Variants in SLC26A6 observed in about 807,000 individuals in gnomAD.
The protein encoded by SLC26A6 is solute carrier family 26 member 6, also known as anion exchange transporter.
Under a neutral mutation model 87.1 loss-of-function variants are expected in SLC26A6, and 67 were observed. The ratio of observed to expected loss-of-function variants is 0.77; its 90% CI spans 0.63 to 0.94. The LOEUF (loss-of-function observed/expected upper bound fraction) is 0.94. Among genes scored for constraint, SLC26A6 ranks in the 40% least tolerant of loss-of-function variants. The probability of loss-of-function intolerance (pLI) is 0.00; values close to 1 mark genes in which losing one functional copy is unlikely to be tolerated. For synonymous variants in SLC26A6, 414 were observed against 405.9 expected (o/e 1.02, Z -0.24); for missense variants, 902 against 973.0 (o/e 0.93, Z 0.97).
chr3:48,628,080 CT>C lies in SLC26A6; in HGVS notation c.1801-43del, dbSNP rs2046675886. On this transcript the variant is annotated intron_variant, in intron 16 of 20. Coordinates refer to ENST00000395550, the MANE Select transcript of SLC26A6 (RefSeq NM_022911.3). The surrounding 1 kb of genome is among the most constrained non-coding windows in gnomAD (Gnocchi z 4.4). ...AGGGAATGGGAAACAGCTAGCCCGG[CT>C]GCCATGACAGCCATGTCACATAGGC... The C allele has an allele frequency of 6.6e-7, 1 of 1,515,462 alleles. No homozygotes were observed. The highest frequency in any genetic ancestry group is 1.4e-5 in the African/African-American group (1 of 71,464). 93.9% of individuals were successfully genotyped at this position (1,515,462 alleles called of 1,614,324 possible).
Position 48,628,106 on chromosome 3 carries a change from C to T in SLC26A6, c.1801-68G>A, listed in dbSNP as rs1360576891. ...TGCCATGACAGCCATGTCACATAGG[C>T]CTGGTGATGCCCCCTGGTGCTGGGC... On this transcript the variant is annotated intron_variant, in intron 16 of 20. Transcript: ENST00000395550. This position sits in a 1 kb window ranked among gnomAD's most constrained non-coding sequence, Gnocchi z 4.4. 1 of 1,400,022 alleles carries T rather than the reference C, an allele frequency of 7.1e-7. No individual in the cohort carries two copies. The highest frequency in any genetic ancestry group is 2.3e-5 in the East Asian group (1 of 42,884). 86.7% of individuals were successfully genotyped at this position (1,400,022 alleles called of 1,614,324 possible).
At position 48,628,394 on chromosome 3, in the gene SLC26A6, G is replaced by C; in HGVS notation, c.1800+40C>G. On this transcript the variant is annotated intron_variant, in intron 16 of 20. Transcript: ENST00000395550. The surrounding 1 kb of genome is among the most constrained non-coding windows in gnomAD (Gnocchi z 4.4). ...GGAGAAAGGCTGGGGCAGGGAACAG[G>C]GGGCAGGAGATGGGGGTCACCAGAC... is the stretch of plus-strand genomic sequence containing the variant. The C allele has an allele frequency of 6.2e-7, 1 of 1,612,264 alleles. No individual in the cohort carries two copies. The highest frequency in any genetic ancestry group is 8.5e-7 in the Non-Finnish European group (1 of 1,179,602).
intron 20 of SLC26A6, 85 bp downstream of exon 20, chr3:48,626,133 G>A (rs1575521499): frequency 1.2e-6 from 2 of 1,610,890 alleles, no homozygotes; most frequent in Non-Finnish European, 1.7e-6. Context: ...ATGGCCACCA[G>A]GAAAGACTCC....
Position 48,631,262 on chromosome 3 carries a change from G to T in SLC26A6, c.948C>A (p.His316Gln). ...TGCCCACGACATCTACCTCAAATCT[G>T]TGCTTTAGACCCATGCCATAGGAGA... ...TGISYGMGLKHRFEVDVVGNI... is the reference protein window; with the variant it reads ...TGISYGMGLKQRFEVDVVGNI... Residue 316 changes from histidine to glutamine, a missense_variant, in exon 8 of 21, where the codon CAC becomes CAA. Coordinates refer to ENST00000395550, the MANE Select transcript of SLC26A6 (RefSeq NM_022911.3). The T allele has an allele frequency of 3.1e-6, 5 of 1,610,014 alleles. No individual in the cohort carries two copies. The highest frequency in any genetic ancestry group is 4.2e-6 in the Non-Finnish European group (5 of 1,177,718).
In SLC26A6 at chr3:48,625,888, G is replaced by T; in HGVS notation, c.*98C>A. 6.7e-7 allele frequency: 1 copy of T among 1,489,706 alleles called. No individual in the cohort carries two copies. Among genetic ancestry groups the T allele is most frequent in the Non-Finnish European group, 9.3e-7 (1 of 1,077,898 alleles). 92.3% of individuals were successfully genotyped at this position (1,489,706 alleles called of 1,614,324 possible). A position where few individuals can be genotyped will look rare whatever the true frequency, so the allele number is the denominator to read the frequency against. On this transcript the variant is annotated 3_prime_UTR_variant, in exon 21 of 21. Coordinates refer to ENST00000395550, the MANE Select transcript of SLC26A6 (RefSeq NM_022911.3). This position sits in a 1 kb window ranked among gnomAD's most constrained non-coding sequence, Gnocchi z 4.7. ...GAGTTGTGTGTGTGTACATGGAGGG[G>T]ACTCCTGGGTAGCACCTGGAGGCGG... is the stretch of plus-strand genomic sequence containing the variant.
In SLC26A6 at chr3:48,628,830, C is replaced by G. The variant is rs1045363837; in HGVS notation, c.1600-116G>C. Reference sequence around the variant, plus strand: ...GCCTGCCACCGCCCAGCCCTCTGCTCCCCAGGCTGCAGTCCAGGCCCTCCC... The same window carrying G: ...GCCTGCCACCGCCCAGCCCTCTGCTGCCCAGGCTGCAGTCCAGGCCCTCCC... On this transcript the variant is annotated intron_variant, in intron 14 of 20. Transcript: ENST00000395550. This position sits in a 1 kb window ranked among gnomAD's most constrained non-coding sequence, Gnocchi z 4.4. 20 of 1,226,018 alleles carry G rather than the reference C, an allele frequency of 1.6e-5. No homozygotes were observed. In the South Asian group the frequency reaches 2.4e-4, roughly 15 times the overall value. The allele number at this position is 1,226,018 out of a possible 1,614,324, so 75.9% of individuals were successfully genotyped here.
At position 48,630,085 on chromosome 3, in the gene SLC26A6, A is replaced by G; in HGVS notation, c.1399T>C (p.Trp467Arg). The change falls in exon 12 of 21, where the codon TGG (tryptophan) becomes CGG (arginine). Residue 467 changes from tryptophan to arginine, a missense_variant. Coordinates refer to ENST00000395550, the MANE Select transcript of SLC26A6 (RefSeq NM_022911.3). ...ACCAGATCCGCCCGATTGGCCTTCC[A>G]GAGGGAGCGCATGTCGCTGAGCTGC... is the stretch of plus-strand genomic sequence containing the variant. ...LRQLSDMRSL[W>R]KANRADLLIW... 1 of 1,612,264 alleles carries G rather than the reference A, an allele frequency of 6.2e-7. No individual in the cohort carries two copies. Among genetic ancestry groups the G allele is most frequent in the Non-Finnish European group, 8.5e-7 (1 of 1,178,680 alleles).
chr3:48,629,797 T>C (rs1575526380), intron 13 of SLC26A6, 75 bp downstream of exon 13: 1 of 1,609,324 alleles, frequency 6.2e-7, no homozygotes, highest in South Asian at 1.1e-5. Flanking sequence ...TCCCCAGAGA[T>C]GTGGGGAAAG....
In SLC26A6 at chr3:48,626,219, G is replaced by C; in HGVS notation, c.2264C>G (p.Ser755Trp). 6.2e-7 allele frequency: 1 copy of C among 1,614,070 alleles called. No individual in the cohort carries two copies. Among genetic ancestry groups the C allele is most frequent in the Non-Finnish European group, 8.5e-7 (1 of 1,180,000 alleles). ...HPRPVPDSPV[S>W]VTRL The stretch of plus-strand genomic sequence containing the variant: ...TTGGCAGGCCAGAGGTAGGCTCACC[G>C]AAACAGGGCTGTCGGGGACAGGCCT... The change falls in exon 20 of 21, where the codon TCG becomes TGG. Residue 755 changes from serine to tryptophan, a missense_variant and splice_region_variant. Ser to Trp is a radical substitution (Grantham distance 177, BLOSUM62 -3). This residue lies in a region of SLC26A6 where 99 missense variants were observed against 100.1 expected (regional missense o/e 0.99). Transcript: ENST00000395550.
At chr3:48,632,145 G>A (rs1575529898) in intron 5 of SLC26A6, 100 bp downstream of exon 5, 7 of 1,582,854 alleles carry the variant, frequency 4.4e-6, no homozygotes, top group East Asian at 2.2e-5. Context: ...TAGACGGCAA[G>A]AGGAGGACGA....
In SLC26A6 at chr3:48,626,977, G is replaced by A. The variant is rs2046642277; in HGVS notation, c.1972C>T (p.Leu658=). ...GGCTGAGGCAGGCCCAGGGCCTTCA[G>A]TGTGGACCCATCTGGGGCCTTGGAG... ...EDSKAPDGST[L]KALGLPQPDF... Residue 658 remains leucine (L), a synonymous_variant, in exon 18 of 21, where the codon CTG becomes TTG. Transcript: ENST00000395550. The A allele has an allele frequency of 6.2e-7, 1 of 1,614,254 alleles. No individual in the cohort carries two copies. Among genetic ancestry groups the A allele is most frequent in the Non-Finnish European group, 8.5e-7 (1 of 1,180,046 alleles).
In SLC26A6 at chr3:48,630,048, C is replaced by T. The variant is rs1372858332; in HGVS notation, c.1422+14G>A. ...GGCTGCCCAGTCCCTGCCCTGGGCTCCCAGTGCACTCACCAGATCCGCCCG... is the reference window on the plus strand; with the variant it reads ...GGCTGCCCAGTCCCTGCCCTGGGCTTCCAGTGCACTCACCAGATCCGCCCG... On this transcript the variant is annotated intron_variant, in intron 12 of 20. Coordinates refer to ENST00000395550, the MANE Select transcript of SLC26A6 (RefSeq NM_022911.3). 5.6e-6 allele frequency: 9 copies of T among 1,613,472 alleles called. No homozygotes were observed. Among genetic ancestry groups the T allele is most frequent in the Non-Finnish European group, 7.6e-6 (9 of 1,179,748 alleles).
Position 48,628,216 on chromosome 3 carries a change from T to C in SLC26A6, c.1801-178A>G, listed in dbSNP as rs1239702002. The C allele has an allele frequency of 5.2e-6, 4 of 762,722 alleles. No homozygotes were observed. The highest frequency in any genetic ancestry group is 8.4e-6 in the Non-Finnish European group (4 of 477,938). The allele number at this position is 762,722 out of a possible 1,614,324, so 47.2% of individuals were successfully genotyped here. A position where few individuals can be genotyped will look rare whatever the true frequency, so the allele number is the denominator to read the frequency against. On this transcript the variant is annotated intron_variant, in intron 16 of 20. Transcript: ENST00000395550. This position sits in a 1 kb window ranked among gnomAD's most constrained non-coding sequence, Gnocchi z 4.4. Reference sequence around the variant, plus strand: ...GAACAGCCGTGAAAGGGAAGAGGACTGTGACGGTTCTCACTGTCACTGGTT... The same window carrying C: ...GAACAGCCGTGAAAGGGAAGAGGACCGTGACGGTTCTCACTGTCACTGGTT...
intron 10 of SLC26A6, 33 bp from the exon 11 acceptor site, chr3:48,630,548 C>T: frequency 6.4e-7 from 1 of 1,558,184 alleles, no homozygotes; most frequent in Non-Finnish European, 8.7e-7. Flanking sequence ...GGGGAGAGAC[C>T]TCCTTCCCCA....
At chr3:48,634,058 A>ACC in intron 1 of SLC26A6, 1 of 212,304 alleles carries the variant, frequency 4.7e-6, no homozygotes, top group Admixed American at 5.3e-5. Flanking sequence ...GGTCCAGCAA[A>ACC]CCAGGGGTCC....
chr3:48,632,691 G>C (rs2046839681), intron 4 of SLC26A6: 2 of 687,906 alleles, frequency 2.9e-6, no homozygotes, highest in Non-Finnish European at 5.3e-6. Context: ...GAAGGGGTCA[G>C]GGCTGGCCTT....
chr3:48,630,263 C>T, intron 11 of SLC26A6, 106 bp from the exon 12 acceptor site: 2 of 1,380,978 alleles, frequency 1.4e-6, no homozygotes, highest in Non-Finnish European at 2.0e-6. Context: ...GGCAGTACCC[C>T]AGACACAAAC....
At chr3:48,627,796 A>G (rs548600137) in intron 17 of SLC26A6, 150 bp downstream of exon 17, 1 of 638,570 alleles carries the variant, frequency 1.6e-6, no homozygotes, top group Non-Finnish European at 2.6e-6. Flanking sequence ...TCCCTGAAGA[A>G]TATCTGACCC....
chr3:48,627,082 C>T, intron 17 of SLC26A6, 27 bp from the exon 18 acceptor site: 1 of 1,605,488 alleles, frequency 6.2e-7, no homozygotes, highest in Non-Finnish European at 8.5e-7. Context: ...GCTGCCAGGG[C>T]CACCCATGAG....
Sources: gnomAD v4.1 joint callset for allele counts on GRCh38, gnomAD v4.1.1 for gene constraint, gnomAD v4.1.1 regional missense constraint, Gnocchi (gnomAD v3.1) non-coding constraint, MANE v1.5 for transcripts, NCBI Gene and HGNC (gene_info 2026-07-23, HGNC 2026-07-21) for gene names.